The following SAMD12 variants were observed in gnomAD, a reference collection of about 807,000 sequenced individuals.
SAMD12 encodes the protein sterile alpha motif domain containing 12.
SAMD12 carries 9 observed loss-of-function variants against 15.0 expected under a neutral mutation model. That is an observed-to-expected ratio of 0.60 (90% CI 0.36 to 1.05). The LOEUF (loss-of-function observed/expected upper bound fraction) is 1.05. Ranked by LOEUF, SAMD12 falls within the 50% of genes least tolerant of loss-of-function variation. The pLI, the probability that SAMD12 is intolerant of heterozygous loss-of-function variation, is 0.01. For missense variants in SAMD12, 230 were observed against 234.2 expected, an observed-to-expected ratio of 0.98 and a Z score of 0.12; for synonymous variants, 86 against 90.1, an observed-to-expected ratio of 0.96 and a Z score of 0.25.
chr8:118,418,298 G>A (rs892802113), intron 3 of SAMD12, among the ~76,000 whole-genome samples: 1 of 152,156 alleles, frequency 6.6e-6, no homozygotes, highest in Non-Finnish European at 1.5e-5. Flanking sequence ...AAACAGAGTA[G>A]ACCTGTTTGT....
chr8:118,303,776 G>A (rs1387507318), intron 4 of SAMD12, among the ~76,000 whole-genome samples: 10 of 152,062 alleles, frequency 6.6e-5, no homozygotes, highest in Non-Finnish European at 1.5e-4. Context: ...TGGGAATAGG[G>A]TTTGTTTCTG....
intron 4 of SAMD12, among the ~76,000 whole-genome samples, chr8:118,203,371 T>C (rs1819766199): frequency 6.8e-6 from 1 of 146,640 alleles, no homozygotes; most frequent in African/African-American, 2.5e-5. Flanking sequence ...CTGGAGACAC[T>C]GGTGGTAACA....
Position 118,296,245 on chromosome 8 carries a change from A to T in SAMD12, c.433+83315T>A, listed in dbSNP as rs140250972. Among the ~76,000 whole-genome samples the T allele has an allele frequency of 2.4e-3, 362 of 152,152 alleles. 3 individuals carry two copies. The highest frequency in any genetic ancestry group is 6.8e-3 in the Middle Eastern group (2 of 294). ...CAAGAACCTTCTCTCCAGCTATCTC[A>T]CTGCTCTCCAAACCCTCTCTGTGAT... On this transcript the variant is annotated intron_variant, in intron 4 of 4. Transcript: ENST00000409003.
At chr8:118,448,073 CCACTA>C (rs1822972722) in intron 2 of SAMD12, among the ~76,000 whole-genome samples, 2 of 152,170 alleles carry the variant, frequency 1.3e-5, no homozygotes, top group Non-Finnish European at 2.9e-5. Context: ...CATTCTGTTC[CCACTA>C]CACCAGTCTT....
chr8:118,216,738 C>G (rs1016523090), intron 4 of SAMD12, among the ~76,000 whole-genome samples: 1 of 152,126 alleles, frequency 6.6e-6, no homozygotes, highest in Non-Finnish European at 1.5e-5. Flanking sequence ...AACTGATGTG[C>G]ATAATGATAG....
intron 2 of SAMD12, among the ~76,000 whole-genome samples, chr8:118,456,451 G>T (rs532595090): frequency 6.6e-6 from 1 of 152,066 alleles, no homozygotes; most frequent in African/African-American, 2.4e-5. Context: ...GCACCTAGGG[G>T]GTTAATGAAT....
At chr8:118,514,178 G>C (rs1276735427) in intron 2 of SAMD12, among the ~76,000 whole-genome samples, 1 of 152,016 alleles carries the variant, frequency 6.6e-6, no homozygotes, top group Non-Finnish European at 1.5e-5. Context: ...GATTTTTTAA[G>C]TTTCCATACA....
intron 2 of SAMD12, among the ~76,000 whole-genome samples, chr8:118,527,263 C>A (rs777170158): frequency 2.0e-5 from 3 of 152,156 alleles, no homozygotes; most frequent in Non-Finnish European, 2.9e-5. Flanking sequence ...CAAAATGCAA[C>A]CCTCATCATG....
intron 4 of SAMD12, among the ~76,000 whole-genome samples, chr8:118,279,163 C>T (rs115566318): frequency 1.8e-3 from 273 of 152,234 alleles, no homozygotes; most frequent in African/African-American, 5.7e-3. Flanking sequence ...GATGCAAAAA[C>T]GAAGATGAAT....
chr8:118,363,418 T>TTC (rs1818603958), intron 4 of SAMD12, among the ~76,000 whole-genome samples: 1 of 152,204 alleles, frequency 6.6e-6, no homozygotes. Context: ...AAGGCTGGCC[T>TTC]TCCCAGGAGT....
At chr8:118,519,593 T>C (rs1405145437) in intron 2 of SAMD12, among the ~76,000 whole-genome samples, 1 of 152,210 alleles carries the variant, frequency 6.6e-6, no homozygotes, top group Non-Finnish European at 1.5e-5. Flanking sequence ...TAAATGGCTG[T>C]ACCTTTGCTT....
intron 4 of SAMD12, among the ~76,000 whole-genome samples, chr8:118,298,284 A>C (rs983892568): frequency 6.6e-6 from 1 of 152,252 alleles, no homozygotes; most frequent in African/African-American, 2.4e-5. Flanking sequence ...GTTTATTTCA[A>C]AATGGGTAAG....
chr8:118,599,946 A>C (rs764976209), intron 1 of SAMD12, among the ~76,000 whole-genome samples: 7 of 152,208 alleles, frequency 4.6e-5, no homozygotes, highest in Admixed American at 2.0e-4. Context: ...AGACTCCCTG[A>C]AACTAGATCT....
At chr8:118,424,811 AG>A (rs1022498777) in intron 3 of SAMD12, among the ~76,000 whole-genome samples, 3 of 152,214 alleles carry the variant, frequency 2.0e-5, no homozygotes, top group Non-Finnish European at 4.4e-5. Flanking sequence ...CGCCATCTAA[AG>A]GAAAAGAGTC....
the SAMD12 span, among the ~76,000 whole-genome samples, chr8:118,163,738 G>A: frequency 3.3e-5 from 5 of 152,174 alleles, no homozygotes; most frequent in Admixed American, 6.5e-5. Flanking sequence ...AGCCAGGCGC[G>A]GTGGCGGGCG....
At chr8:118,362,682 C>T (rs990951427) in intron 4 of SAMD12, among the ~76,000 whole-genome samples, 118 of 152,308 alleles carry the variant, frequency 7.7e-4, no homozygotes, top group Admixed American at 2.4e-3. Context: ...ATCAAAGTCA[C>T]ATACTTCTTA....
At chr8:118,339,724 A>C (rs1817256567) in intron 4 of SAMD12, among the ~76,000 whole-genome samples, 2 of 152,232 alleles carry the variant, frequency 1.3e-5, no homozygotes, top group South Asian at 4.1e-4. Flanking sequence ...GCGATGGGTC[A>C]GTCCTCTCTT....
intron 2 of SAMD12, among the ~76,000 whole-genome samples, chr8:118,458,443 T>C (rs942935680): frequency 2.0e-5 from 3 of 152,234 alleles, no homozygotes; most frequent in African/African-American, 7.2e-5. Context: ...TCTGCACTTC[T>C]TGACCCCTTT....
the SAMD12 span, among the ~76,000 whole-genome samples, chr8:118,167,232 G>A: frequency 6.6e-6 from 1 of 151,792 alleles, no homozygotes. Context: ...GACATGGTCT[G>A]ATGTTGAACA....
Sources: gnomAD v4.1 joint callset for allele counts (sites outside exome capture counted in the v4.1 genomes callset) on GRCh38, gnomAD v4.1.1 for gene constraint, MANE v1.5 for transcripts, NCBI Gene and HGNC (gene_info 2026-07-23, HGNC 2026-07-21) for gene names.